Variants in CSMD1 observed in about 807,000 individuals in gnomAD.
CSMD1 encodes CUB and Sushi multiple domains 1, also known as CUB and sushi domain-containing protein 1.
CSMD1 carries 213 observed loss-of-function variants against 417.5 expected under a neutral mutation model. That is an observed-to-expected ratio of 0.51 (90% CI 0.46 to 0.57). The LOEUF (loss-of-function observed/expected upper bound fraction) is 0.57, where lower values mean the gene tolerates loss of function less well. Among genes scored for constraint, CSMD1 ranks in the 20% least tolerant of loss-of-function variants. CSMD1 has a pLI of 0.00. For missense variants in CSMD1, 6,923 were observed against 4,529.7 expected, an observed-to-expected ratio of 1.53 and a Z score of -15.17; for synonymous variants, 2,862 against 1,736.8, an observed-to-expected ratio of 1.65 and a Z score of -16.11.
At chr8:3,138,462 C>A (rs1818237684) in intron 41 of CSMD1, among the ~76,000 whole-genome samples, 1 of 152,182 alleles carries the variant, frequency 6.6e-6, no homozygotes, top group African/African-American at 2.4e-5. Context: ...GAAGGCACCT[C>A]TATCCTGAGT....
At chr8:3,095,975 T>C (rs998478036) in intron 47 of CSMD1, among the ~76,000 whole-genome samples, 1 of 152,190 alleles carries the variant, frequency 6.6e-6, no homozygotes, top group South Asian at 2.1e-4. Flanking sequence ...AAAACTCCTG[T>C]AGCATTTATC....
chr8:4,081,515 G>C (rs1040386541), intron 3 of CSMD1, among the ~76,000 whole-genome samples: 3 of 152,068 alleles, frequency 2.0e-5, no homozygotes, highest in African/African-American at 7.2e-5. Flanking sequence ...AAGGAACTGG[G>C]GTCCCCCTAC....
chr8:4,328,176 T>C (rs1799662887), intron 3 of CSMD1, among the ~76,000 whole-genome samples: 1 of 151,772 alleles, frequency 6.6e-6, no homozygotes, highest in Non-Finnish European at 1.5e-5. Context: ...GGTCACATTA[T>C]AAGACAGTAA....
chr8:3,056,083 C>A (rs1040203786), intron 49 of CSMD1, among the ~76,000 whole-genome samples: 1 of 152,164 alleles, frequency 6.6e-6, no homozygotes, highest in East Asian at 1.9e-4. Context: ...AAAATTTTTA[C>A]TTATTTATTT....
chr8:3,524,284 C>A (rs1231113262), intron 10 of CSMD1, among the ~76,000 whole-genome samples: 1 of 150,766 alleles, frequency 6.6e-6, no homozygotes, highest in Admixed American at 6.6e-5. Context: ...CGCACATATA[C>A]ATGCACACAC....
intron 6 of CSMD1, among the ~76,000 whole-genome samples, chr8:3,715,686 G>A (rs1483537141): frequency 2.0e-5 from 3 of 152,070 alleles, no homozygotes; most frequent in Non-Finnish European, 2.9e-5. Flanking sequence ...GGGATTACAG[G>A]CACCTGCCAC....
chr8:3,370,765 A>C (rs1391081415), intron 18 of CSMD1, among the ~76,000 whole-genome samples: 1 of 152,208 alleles, frequency 6.6e-6, no homozygotes, highest in African/African-American at 2.4e-5. Flanking sequence ...ACCTGAGGTC[A>C]GGAGTTCCAG....
At chr8:3,777,181 G>A (rs1295092720) in intron 5 of CSMD1, among the ~76,000 whole-genome samples, 1 of 151,424 alleles carries the variant, frequency 6.6e-6, no homozygotes, top group East Asian at 2.0e-4. Flanking sequence ...ATGTATGTGT[G>A]TCTGTTACTT....
intron 10 of CSMD1, among the ~76,000 whole-genome samples, chr8:3,503,825 C>T (rs1796708962): frequency 1.5e-5 from 2 of 136,660 alleles, no homozygotes; most frequent in South Asian, 2.7e-4. Flanking sequence ...CTCCCCCCAT[C>T]CCCCCTTGCC....
chr8:3,739,347 G>C (rs1467733813), intron 6 of CSMD1, among the ~76,000 whole-genome samples: 1 of 152,204 alleles, frequency 6.6e-6, no homozygotes, highest in Admixed American at 6.6e-5. Context: ...TGGCACCACA[G>C]TGTGACTGTA....
chr8:3,614,094 C>G (rs918082811), intron 8 of CSMD1, among the ~76,000 whole-genome samples: 1 of 151,950 alleles, frequency 6.6e-6, no homozygotes, highest in South Asian at 2.1e-4. Context: ...ATACACACAC[C>G]ATAGACGATA....
At chr8:4,531,382 G>A (rs1336720440) in intron 2 of CSMD1, among the ~76,000 whole-genome samples, 1 of 152,164 alleles carries the variant, frequency 6.6e-6, no homozygotes. Context: ...ATTGGAAAAA[G>A]TCTTGAAGTC....
chr8:4,825,090 A>C (rs1799745273), intron 1 of CSMD1, among the ~76,000 whole-genome samples: 1 of 152,142 alleles, frequency 6.6e-6, no homozygotes, highest in Non-Finnish European at 1.5e-5. Context: ...TACTGCATAC[A>C]TTTATAACTT....
In CSMD1 at chr8:4,469,142, G is replaced by C. The variant is rs1408094102; in HGVS notation, c.303-49077C>G. ...CTGGAGCTCTTTTGGTAGGAAAATGGAAGAAGGCACTACTTACTTAAAGAC... is the reference window on the plus strand; with the variant it reads ...CTGGAGCTCTTTTGGTAGGAAAATGCAAGAAGGCACTACTTACTTAAAGAC... On this transcript the variant is annotated intron_variant, in intron 2 of 69. Coordinates refer to ENST00000635120, the MANE Select transcript of CSMD1 (RefSeq NM_033225.6). Among the ~76,000 whole-genome samples, 8 of 152,282 alleles carry C rather than the reference G, an allele frequency of 5.3e-5. No individual in the cohort carries two copies. In the East Asian group the frequency reaches 1.5e-3, roughly 29 times the overall value.
At chr8:4,449,866 T>C (rs1017989628) in intron 2 of CSMD1, among the ~76,000 whole-genome samples, 1 of 152,154 alleles carries the variant, frequency 6.6e-6, no homozygotes, top group Non-Finnish European at 1.5e-5. Flanking sequence ...TCACCCAGTT[T>C]CTTTACTTAG....
At chr8:4,051,504 C>G (rs987076072) in intron 3 of CSMD1, among the ~76,000 whole-genome samples, 2 of 152,124 alleles carry the variant, frequency 1.3e-5, no homozygotes, top group East Asian at 1.9e-4. Context: ...TTCTGTATTT[C>G]CATGACCTAG....
chr8:4,533,957 T>C lies in CSMD1; in HGVS notation c.302+103385A>G, dbSNP rs73661507. 4.8e-3 allele frequency among the ~76,000 whole-genome samples: 721 copies of C among 149,352 alleles called. 6 individuals carry two copies. The highest frequency in any genetic ancestry group is 0.017 in the African/African-American group (684 of 41,064). On this transcript the variant is annotated intron_variant, in intron 2 of 69. Coordinates refer to ENST00000635120, the MANE Select transcript of CSMD1 (RefSeq NM_033225.6). ...TATATAATATACATATTTATATATA[T>C]AAATATAAAATACACTACAAGAGGG...
rs1798340466 is a variant in CSMD1, at chr8:3,223,773, T to C, written c.4440A>G (p.Arg1480=). Reference sequence around the variant, plus strand: ...TGACAAAGTCCGGGTTCACTTTTACTCTCCAGTCACATTCCTTCCCAGGAG... The same window carrying C: ...TGACAAAGTCCGGGTTCACTTTTACCCTCCAGTCACATTCCTTCCCAGGAG... ...PYPPGKECDW[R]VKVNPDFVIA... is the part of the protein sequence containing the mutation. Residue 1480 remains arginine (R), a synonymous_variant, in exon 28 of 70, where the codon AGA becomes AGG. Transcript: ENST00000635120. 6.2e-7 allele frequency: 1 copy of C among 1,613,914 alleles called. No homozygotes were observed. Among genetic ancestry groups the C allele is most frequent in the Non-Finnish European group, 8.5e-7 (1 of 1,179,834 alleles).
At chr8:3,728,773 A>T (rs1227760572) in intron 6 of CSMD1, among the ~76,000 whole-genome samples, 4 of 152,184 alleles carry the variant, frequency 2.6e-5, no homozygotes, top group Admixed American at 2.0e-4. Context: ...ATACATCTCA[A>T]ATGTCAAATA....
Sources: gnomAD v4.1 joint callset for allele counts (sites outside exome capture counted in the v4.1 genomes callset) on GRCh38, gnomAD v4.1.1 for gene constraint, MANE v1.5 for transcripts, NCBI Gene and HGNC (gene_info 2026-07-23, HGNC 2026-07-21) for gene names.